The following LILRA1 variants were observed in gnomAD, a reference collection of about 807,000 sequenced individuals.
The protein encoded by LILRA1 is leukocyte immunoglobulin-like receptor subfamily A member 1.
A neutral mutation model predicts 51.6 loss-of-function variants in LILRA1; 51 were observed. That is an observed-to-expected ratio of 0.99 (90% CI 0.79 to 1.25). The LOEUF is 1.25. LILRA1 is among the 50% of genes most tolerant of loss of function. The pLI, the probability that LILRA1 is intolerant of heterozygous loss-of-function variation, is 0.00. For missense variants in LILRA1, 660 were observed against 611.7 expected (o/e 1.08, Z -0.83); for synonymous variants, 305 against 248.4 (o/e 1.23, Z -2.14).
rs10417158 is a variant in LILRA1 at position 54,594,930 on chromosome 19, C to A, written c.336C>A (p.Asp112Glu). ...CTGCAGGCTGGTCAGAGCCCAGTGACCCCCTGGAGCTGGTGGTGACAGGTG... is the reference window on the plus strand; with the variant it reads ...CTGCAGGCTGGTCAGAGCCCAGTGAACCCCTGGAGCTGGTGGTGACAGGTG... ...SHTAGWSEPS[D>E]PLELVVTGAY... is the part of the protein sequence containing the mutation. Residue 112 changes from aspartate to glutamate, a missense_variant, in exon 4 of 10, where the codon GAC (aspartate) becomes GAA (glutamate). Transcript: ENST00000251372. The A allele has an allele frequency of 3.1e-6, 5 of 1,613,900 alleles. No individual in the cohort carries two copies. Among genetic ancestry groups the A allele is most frequent in the African/African-American group, 2.7e-5 (2 of 74,896 alleles).
At chr19:54,594,095 TGCA>T in intron 1 of LILRA1, 99 bp from the exon 2 acceptor site, 1 of 1,273,520 alleles carries the variant, frequency 7.9e-7, no homozygotes, top group South Asian at 1.4e-5. Flanking sequence ...CCTGTGTGGC[TGCA>T]GATGACAACA....
intron 1 of LILRA1, 113 bp downstream of exon 1, chr19:54,593,894 C>A (rs547539710): frequency 2.1e-5 from 12 of 581,672 alleles, no homozygotes; most frequent in South Asian, 1.4e-4. Context: ...GAAGGGCAGA[C>A]GCAGAAAGCA....
In LILRA1 at chr19:54,595,937, T is replaced by G. The variant is rs762011368; in HGVS notation, c.958+2T>G. ...ACCCCCTGGACATCCTGATCGCAGG[T>G]GAGGAGCCCAGCGGGTTCAGTCAGG... On this transcript the variant is annotated splice_donor_variant, in intron 6 of 9. Coordinates refer to ENST00000251372, the MANE Select transcript of LILRA1 (RefSeq NM_006863.4). LOFTEE classifies it high-confidence loss of function. The G allele has an allele frequency of 6.2e-7, 1 of 1,611,728 alleles. No homozygotes were observed. The highest frequency in any genetic ancestry group is 1.1e-5 in the South Asian group (1 of 90,970).
chr19:54,595,426 G>A lies in LILRA1; in HGVS notation c.661+24G>A, dbSNP rs528868778. 1.5e-5 allele frequency: 24 copies of A among 1,590,226 alleles called. 1 individual carries two copies. The East Asian group carries it at 5.1e-4, about 34-fold the overall frequency. Reference sequence around the variant, plus strand: ...AGGTGAGAAATTCACAGCATTGCCTGGAGTTCCCTGAGTCTCCCTGAGTCT... The same window carrying A: ...AGGTGAGAAATTCACAGCATTGCCTAGAGTTCCCTGAGTCTCCCTGAGTCT... On this transcript the variant is annotated intron_variant, in intron 5 of 9. Coordinates refer to ENST00000251372, the MANE Select transcript of LILRA1 (RefSeq NM_006863.4).
chr19:54,593,653 T>G lies in LILRA1; in HGVS notation c.-177T>G, dbSNP rs1196434790. ...CCCTGCATTTCTCCTCTGTGCTCACTGCCACACGCAGCTCAACCTGAGCTA... is the reference window on the plus strand; with the variant it reads ...CCCTGCATTTCTCCTCTGTGCTCACGGCCACACGCAGCTCAACCTGAGCTA... On this transcript the variant is annotated 5_prime_UTR_variant, in exon 1 of 10. Transcript: ENST00000251372. The G allele has an allele frequency of 2.2e-6, 1 of 444,780 alleles. No individual in the cohort carries two copies. The highest frequency in any genetic ancestry group is 4.6e-6 in the Non-Finnish European group (1 of 219,618). 27.6% of individuals were successfully genotyped at this position (444,780 alleles called of 1,614,324 possible). A position where few individuals can be genotyped will look rare whatever the true frequency, so the allele number is the denominator to read the frequency against.
Position 54,594,791 on chromosome 19 carries a change from C to T in LILRA1, c.197C>T (p.Thr66Ile). The T allele has an allele frequency of 1.2e-6, 2 of 1,614,126 alleles. No individual in the cohort carries two copies. The highest frequency in any genetic ancestry group is 1.7e-6 in the Non-Finnish European group (2 of 1,180,002). The change falls in exon 4 of 10, where the codon ACA becomes ATA. Residue 66 changes from threonine to isoleucine, a missense_variant. Physicochemically the swap from Thr to Ile is moderately conservative, Grantham distance 89. Transcript: ENST00000251372. ...TACCGTCTGTATAGAGAAAAGAAAA[C>T]AGCACCCTGGATTACACGGATCCCA... is the stretch of plus-strand genomic sequence containing the variant. ...QEYRLYREKK[T>I]APWITRIPQE...
chr19:54,599,803 T>C (rs1394088060), intron 8 of LILRA1: 7 of 248,062 alleles, frequency 2.8e-5, no homozygotes, highest in Admixed American at 5.6e-5. Flanking sequence ...TTCATGCATA[T>C]GCTTAATATA....
intron 8 of LILRA1, among the ~76,000 whole-genome samples, chr19:54,600,258 T>A (rs79145339): frequency 0.035 from 5,330 of 152,256 alleles, 120 homozygotes; most frequent in South Asian, 0.055. Context: ...GACTTCTGTA[T>A]TCCTTTGCAG....
In LILRA1 at chr19:54,595,427, G is replaced by C; in HGVS notation, c.661+25G>C. On this transcript the variant is annotated intron_variant, in intron 5 of 9. Coordinates refer to ENST00000251372, the MANE Select transcript of LILRA1 (RefSeq NM_006863.4). ...GGTGAGAAATTCACAGCATTGCCTG[G>C]AGTTCCCTGAGTCTCCCTGAGTCTC... 5.0e-6 allele frequency: 8 copies of C among 1,587,356 alleles called. No homozygotes were observed. The South Asian group carries it at 8.1e-5, about 16-fold the overall frequency.
In LILRA1 at chr19:54,595,369, C is replaced by T. The variant is rs754506604; in HGVS notation, c.628C>T (p.Leu210=). 6 of 1,613,294 alleles carry T rather than the reference C, an allele frequency of 3.7e-6. No homozygotes were observed. The highest frequency in any genetic ancestry group is 3.3e-5 in the Admixed American group (2 of 59,904). ...YDSNSPHVWS[L]PSDLLELLVL... ...CTCGAACTCTCCCCATGTGTGGTCT[C>T]TACCCAGTGATCTCCTGGAGCTCCT... The change falls in exon 5 of 10, where the codon CTA becomes TTA. Residue 210 remains leucine (L), a synonymous_variant. Transcript: ENST00000251372.
chr19:54,599,679 G>A (rs1166119631), intron 8 of LILRA1: 1 of 706,764 alleles, frequency 1.4e-6, no homozygotes, highest in African/African-American at 2.0e-5. Flanking sequence ...CAATATATAT[G>A]TTACTACATC....
intron 7 of LILRA1, among the ~76,000 whole-genome samples, chr19:54,598,451 G>C (rs970518296): frequency 6.6e-6 from 1 of 152,062 alleles, no homozygotes; most frequent in South Asian, 2.1e-4. Context: ...CTGACTGGGC[G>C]GCTCCCTGTG....
Position 54,594,887 on chromosome 19 carries a change from G to A in LILRA1, c.293G>A (p.Cys98Tyr), listed in dbSNP as rs138949486. ...ITWEHTGRYRCFYGSHTAGWS... is the reference protein window; with the variant it reads ...ITWEHTGRYRYFYGSHTAGWS... ...TGGGAACACACAGGGCGGTATCGCT[G>A]TTTCTACGGTAGCCACACTGCAGGC... Residue 98 changes from cysteine to tyrosine, a missense_variant, in exon 4 of 10, where the codon TGT becomes TAT. Transcript: ENST00000251372. The A allele has an allele frequency of 5.6e-5, 90 of 1,614,142 alleles. No individual in the cohort carries two copies. In the African/African-American group the frequency reaches 1.0e-3, roughly 18 times the overall value.
In LILRA1 at chr19:54,594,927, T is replaced by G; in HGVS notation, c.333T>G (p.Ser111Arg). 1 of 1,614,052 alleles carries G rather than the reference T, an allele frequency of 6.2e-7. No homozygotes were observed. The highest frequency in any genetic ancestry group is 2.2e-5 in the East Asian group (1 of 44,874). Residue 111 changes from serine to arginine, a missense_variant, in exon 4 of 10, where the codon AGT becomes AGG. By Grantham distance (110) the Ser-to-Arg change is moderately radical. Coordinates refer to ENST00000251372, the MANE Select transcript of LILRA1 (RefSeq NM_006863.4). ...GSHTAGWSEP[S>R]DPLELVVTGA... ...ACACTGCAGGCTGGTCAGAGCCCAG[T>G]GACCCCCTGGAGCTGGTGGTGACAG...
intron 2 of LILRA1, 51 bp from the exon 3 acceptor site, chr19:54,594,390 G>C (rs780180580): frequency 6.2e-7 from 1 of 1,614,222 alleles, no homozygotes; most frequent in South Asian, 1.1e-5. Flanking sequence ...AGGGAGGGGA[G>C]GACCTGCCCA....
At chr19:54,597,818 G>A (rs1175152601) in intron 7 of LILRA1, among the ~76,000 whole-genome samples, 1 of 151,340 alleles carries the variant, frequency 6.6e-6, no homozygotes, top group Non-Finnish European at 1.5e-5. Context: ...AGTCCACCCC[G>A]AGCAGAAATG....
At chr19:54,594,521 G>A in intron 3 of LILRA1, 45 bp downstream of exon 3, 1 of 1,614,036 alleles carries the variant, frequency 6.2e-7, no homozygotes, top group African/African-American at 1.3e-5. Context: ...CCTCACTGGG[G>A]ACAAGGGGCC....
At chr19:54,600,051 C>T (rs1156957460) in intron 8 of LILRA1, among the ~76,000 whole-genome samples, 4 of 152,176 alleles carry the variant, frequency 2.6e-5, no homozygotes, top group Non-Finnish European at 4.4e-5. Flanking sequence ...GGTGAACTGG[C>T]TGAGGCTGTG....
chr19:54,593,708 G>A lies in LILRA1; in HGVS notation c.-122G>A, dbSNP rs117712696. 0.044 allele frequency: 24,752 copies of A among 559,382 alleles called. 628 individuals carry two copies. Among genetic ancestry groups the A allele is most frequent in the South Asian group, 0.058 (3,912 of 67,294 alleles). The allele number at this position is 559,382 out of a possible 1,614,324, so 34.7% of individuals were successfully genotyped here. A position where few individuals can be genotyped will look rare whatever the true frequency, so the allele number is the denominator to read the frequency against. ...GCCAGATGCGAGATGCTTCTCTGCT[G>A]ATCTGAGTCTGCCTGCAGCATGGAC... On this transcript the variant is annotated 5_prime_UTR_variant, in exon 1 of 10. An upstream open reading frame in the 5' UTR loses its in-frame stop. Coordinates refer to ENST00000251372, the MANE Select transcript of LILRA1 (RefSeq NM_006863.4).
Sources: allele counts gnomAD v4.1 joint callset (sites outside exome capture counted in the v4.1 genomes callset), GRCh38; gene constraint gnomAD v4.1.1; transcripts MANE v1.5; gene names NCBI Gene and HGNC (gene_info 2026-07-23, HGNC 2026-07-21).